The following HNF1B variants were observed in gnomAD, a reference collection of about 807,000 sequenced individuals.
The protein encoded by HNF1B is hepatocyte nuclear factor 1-beta.
Under a neutral mutation model 61.7 loss-of-function variants are expected in HNF1B, and 8 were observed. The ratio of observed to expected loss-of-function variants is 0.13; its 90% CI spans 0.08 to 0.23. The LOEUF is 0.23. Among genes scored for constraint, HNF1B ranks in the 10% least tolerant of loss-of-function variants. HNF1B has a pLI of 1.00. For synonymous variants in HNF1B, 314 were observed against 287.7 expected, an observed-to-expected ratio of 1.09 and a Z score of -0.93; for missense variants, 562 against 714.5, an observed-to-expected ratio of 0.79 and a Z score of 2.43.
intron 7 of HNF1B, among the ~76,000 whole-genome samples, chr17:37,699,554 T>A (rs1481200325): frequency 6.6e-6 from 1 of 152,184 alleles, no homozygotes; most frequent in African/African-American, 2.4e-5. Flanking sequence ...CCATGGGCTC[T>A]CTCTTCATGG....
At chr17:37,712,355 C>T (rs1388107619) in intron 4 of HNF1B, among the ~76,000 whole-genome samples, 2 of 152,116 alleles carry the variant, frequency 1.3e-5, no homozygotes, top group African/African-American at 2.4e-5. Flanking sequence ...AGTCAACAGC[C>T]GGTGCCCAGG....
Position 37,731,639 on chromosome 17 carries a change from G to T in HNF1B, c.1001C>A (p.Ser334Tyr), listed in dbSNP as rs776928989. Residue 334 changes from serine (S) to tyrosine (Y), a missense_variant, in exon 4 of 9, where the codon TCC becomes TAC. Physicochemically the swap from Ser to Tyr is moderately radical, Grantham distance 144 (BLOSUM62 -2). Coordinates refer to ENST00000617811, the MANE Select transcript of HNF1B (RefSeq NM_000458.4). The part of the protein sequence containing the change: ...HSLNPLLSHG[S>Y]PHHQPSSSPP... ...AGAGGAGCTGGGCTGGTGGTGGGGG[G>T]AGCCGTGGGAGAGCAGAGGGTTCAG... 1 of 1,614,014 alleles carries T rather than the reference G, an allele frequency of 6.2e-7. No individual in the cohort carries two copies. Among genetic ancestry groups the T allele is most frequent in the East Asian group, 2.2e-5 (1 of 44,872 alleles).
intron 5 of HNF1B, 93 bp downstream of exon 5, chr17:37,710,410 G>C: frequency 6.7e-7 from 1 of 1,487,406 alleles, no homozygotes; most frequent in Non-Finnish European, 9.4e-7. Flanking sequence ...GGCTACAATG[G>C]TTCATTGTTT....
intron 4 of HNF1B, chr17:37,729,878 A>T (rs1040966484): frequency 1.6e-5 from 2 of 128,968 alleles, no homozygotes; most frequent in African/African-American, 6.7e-5. Context: ...AAAGATCCAG[A>T]CTTCAGGGGC....
intron 4 of HNF1B, chr17:37,729,392 CACTGCACTCT>C (rs1439229411): frequency 6.7e-6 from 1 of 148,232 alleles, no homozygotes; most frequent in African/African-American, 2.5e-5. Context: ...AAGACTGCAC[CACTGCACTCT>C]AGCTCGGGTG....
intron 8 of HNF1B, 63 bp downstream of exon 8, chr17:37,699,013 C>T: frequency 8.6e-7 from 1 of 1,166,742 alleles, no homozygotes. Flanking sequence ...ACAACCTCTG[C>T]ACATCCATGG....
chr17:37,713,919 A>G (rs771155954), intron 4 of HNF1B, among the ~76,000 whole-genome samples: 2 of 152,224 alleles, frequency 1.3e-5, no homozygotes, highest in Admixed American at 6.5e-5. Context: ...CACCAAAAAT[A>G]GGTGCTCTTG....
chr17:37,723,260 T>C (rs187265459), intron 4 of HNF1B, among the ~76,000 whole-genome samples: 1 of 150,928 alleles, frequency 6.6e-6, no homozygotes, highest in East Asian at 1.9e-4. Context: ...GGCCGGAGAA[T>C]GGCGTGAACC....
intron 7 of HNF1B, among the ~76,000 whole-genome samples, chr17:37,699,596 C>T (rs2032497524): frequency 6.6e-6 from 1 of 152,184 alleles, no homozygotes; most frequent in Non-Finnish European, 1.5e-5. Flanking sequence ...CAGCAGTCCA[C>T]AGGTCGCTGG....
chr17:37,701,251 C>T (rs571920779), intron 6 of HNF1B, 74 bp from the exon 7 acceptor site: 12 of 1,421,958 alleles, frequency 8.4e-6, no homozygotes, highest in South Asian at 2.5e-5. Context: ...ATCATTTGAG[C>T]CCCCGCTCAA....
intron 1 of HNF1B, among the ~76,000 whole-genome samples, chr17:37,743,786 C>G (rs1268884854): frequency 6.6e-6 from 1 of 152,244 alleles, no homozygotes; most frequent in Non-Finnish European, 1.5e-5. Flanking sequence ...CGGGGGTGGG[C>G]AGCGAGGTCT....
intron 4 of HNF1B, among the ~76,000 whole-genome samples, chr17:37,724,964 T>C (rs564424853): frequency 9.2e-4 from 140 of 152,002 alleles, no homozygotes; most frequent in African/African-American, 3.3e-3. Context: ...TATATATGTA[T>C]GTATATTTCT....
At chr17:37,736,749 T>C (rs996141638) in intron 2 of HNF1B, among the ~76,000 whole-genome samples, 1 of 152,082 alleles carries the variant, frequency 6.6e-6, no homozygotes, top group Non-Finnish European at 1.5e-5. Context: ...TTTGAGGAGG[T>C]AGCAGGCTGA....
chr17:37,733,903 G>A (rs897365430), intron 2 of HNF1B, 82 bp from the exon 3 acceptor site: 52 of 1,494,938 alleles, frequency 3.5e-5, no homozygotes, highest in East Asian at 6.8e-5. Flanking sequence ...GACAACGGAC[G>A]AAGACACCTT....
intron 4 of HNF1B, among the ~76,000 whole-genome samples, chr17:37,728,160 C>G (rs1267861844): frequency 2.6e-5 from 4 of 151,970 alleles, no homozygotes; most frequent in Non-Finnish European, 5.9e-5. Context: ...TGCCACCACG[C>G]CCAGCTGATT....
chr17:37,738,964 A>C (rs1254970188), intron 2 of HNF1B, among the ~76,000 whole-genome samples: 1 of 152,234 alleles, frequency 6.6e-6, no homozygotes, highest in Non-Finnish European at 1.5e-5. Flanking sequence ...TTCTGAATAT[A>C]TCTCTCTATA....
chr17:37,708,786 C>A (rs1029333561), intron 5 of HNF1B, among the ~76,000 whole-genome samples: 1 of 152,186 alleles, frequency 6.6e-6, no homozygotes, highest in Non-Finnish European at 1.5e-5. Context: ...ATGCCTCCCC[C>A]AGGAATGCCC....
At chr17:37,722,215 C>T (rs1202616585) in intron 4 of HNF1B, among the ~76,000 whole-genome samples, 1 of 152,176 alleles carries the variant, frequency 6.6e-6, no homozygotes, top group Non-Finnish European at 1.5e-5. Flanking sequence ...AGGTAAGACC[C>T]TTGTCAAGAA....
intron 5 of HNF1B, among the ~76,000 whole-genome samples, chr17:37,706,116 G>A (rs1471333416): frequency 5.3e-5 from 8 of 151,968 alleles, no homozygotes; most frequent in African/African-American, 1.5e-4. Context: ...CTACCACCAC[G>A]CCTGGCTGAT....
Sources: gnomAD v4.1 joint callset for allele counts (sites outside exome capture counted in the v4.1 genomes callset) on GRCh38, gnomAD v4.1.1 for gene constraint, MANE v1.5 for transcripts, NCBI Gene and HGNC (gene_info 2026-07-23, HGNC 2026-07-21) for gene names.